The following ULK4 variants were observed in gnomAD, a reference collection of about 807,000 sequenced individuals.
ULK4 encodes the protein inactive serine/threonine-protein kinase ULK4.
In ULK4, 133 loss-of-function variants were observed where a neutral mutation model predicts 160.6. The ratio of observed to expected loss-of-function variants is 0.83; its 90% CI spans 0.72 to 0.96. ULK4 has a LOEUF of 0.96. ULK4 is among the 40% of genes least tolerant of loss of function. ULK4 has a pLI of 0.00. For missense variants in ULK4, 1,580 were observed against 1,499.5 expected (o/e 1.05, Z -0.89); for synonymous variants, 534 against 539.8 (o/e 0.99, Z 0.15).
At chr3:41,279,254 G>GAAAAAAAAAAA (rs2079295716) in intron 35 of ULK4, among the ~76,000 whole-genome samples, 2 of 54,210 alleles carry the variant, frequency 3.7e-5, no homozygotes, top group South Asian at 6.6e-4. Context: ...GAAAAAAAGA[G>GAAAAAAAAAAA]TAAAAAAAAA....
At chr3:41,711,434 C>G (rs937040822) in intron 25 of ULK4, among the ~76,000 whole-genome samples, 1 of 152,050 alleles carries the variant, frequency 6.6e-6, no homozygotes, top group African/African-American at 2.4e-5. Flanking sequence ...CTACAGCAAA[C>G]TGGGATACAA....
At chr3:41,491,206 A>C (rs188273978) in intron 32 of ULK4, among the ~76,000 whole-genome samples, 1 of 152,322 alleles carries the variant, frequency 6.6e-6, no homozygotes, top group Admixed American at 6.5e-5. Context: ...CAATTTCTAA[A>C]ACATGTCAAT....
chr3:41,326,639 T>C (rs752355816), intron 35 of ULK4, among the ~76,000 whole-genome samples: 5 of 152,104 alleles, frequency 3.3e-5, no homozygotes, highest in Non-Finnish European at 5.9e-5. Context: ...CTGAAATGTG[T>C]TTTTTGGCAG....
intron 17 of ULK4, among the ~76,000 whole-genome samples, chr3:41,846,560 T>C (rs1032309357): frequency 3.9e-5 from 6 of 152,014 alleles, no homozygotes; most frequent in Non-Finnish European, 8.8e-5. Flanking sequence ...ATCCCAACAC[T>C]TTGGGAGGCC....
intron 17 of ULK4, among the ~76,000 whole-genome samples, chr3:41,883,299 A>G (rs1225993875): frequency 6.6e-6 from 1 of 152,048 alleles, no homozygotes; most frequent in Admixed American, 6.6e-5. Flanking sequence ...ACCAGCTTCA[A>G]CTCTACAAAA....
At chr3:41,733,795 C>A (rs6599172) in intron 22 of ULK4, among the ~76,000 whole-genome samples, 1 of 138,646 alleles carries the variant, frequency 7.2e-6, no homozygotes, top group South Asian at 2.3e-4. Context: ...AGTGCAGTGG[C>A]GCAATCTCAC....
intron 34 of ULK4, among the ~76,000 whole-genome samples, chr3:41,417,303 G>T (rs2082549775): frequency 6.6e-6 from 1 of 152,176 alleles, no homozygotes; most frequent in South Asian, 2.1e-4. Context: ...GAGATCATCA[G>T]TGAAACTCTC....
chr3:41,262,598 T>C (rs1412809144), intron 35 of ULK4, among the ~76,000 whole-genome samples: 1 of 152,188 alleles, frequency 6.6e-6, no homozygotes, highest in African/African-American at 2.4e-5. Flanking sequence ...TGTGGGCACC[T>C]GCCAAGTCTA....
At chr3:41,883,792 G>T in intron 17 of ULK4, 82 bp downstream of exon 17, 2 of 1,209,298 alleles carry the variant, frequency 1.7e-6, no homozygotes, top group Non-Finnish European at 2.5e-6. Flanking sequence ...GTGAAGGTCG[G>T]TGAAAGCTGC....
chr3:41,892,602 G>A (rs1223312494), intron 16 of ULK4, among the ~76,000 whole-genome samples: 1 of 152,182 alleles, frequency 6.6e-6, no homozygotes, highest in Non-Finnish European at 1.5e-5. Flanking sequence ...TAGAACTGAT[G>A]TTTACAGTCT....
At chr3:41,559,145 C>T (rs1405608586) in intron 32 of ULK4, among the ~76,000 whole-genome samples, 10 of 149,542 alleles carry the variant, frequency 6.7e-5, no homozygotes, top group East Asian at 2.0e-4. Context: ...TCTGTCCTTG[C>T]GATAGTTTAC....
At chr3:41,294,905 C>A (rs2079639841) in intron 35 of ULK4, among the ~76,000 whole-genome samples, 1 of 152,184 alleles carries the variant, frequency 6.6e-6, no homozygotes, top group Non-Finnish European at 1.5e-5. Context: ...AATGCAATTG[C>A]AATCAAAATC....
chr3:41,283,591 A>G (rs2079402376), intron 35 of ULK4, among the ~76,000 whole-genome samples: 1 of 152,226 alleles, frequency 6.6e-6, no homozygotes, highest in South Asian at 2.1e-4. Context: ...TGGGAATTGA[A>G]CAATGAGAAC....
rs754741934 is a variant in ULK4 at position 41,800,183 on chromosome 3, C to T, written c.1959G>A (p.Trp653Ter). 26 of 1,613,618 alleles carry T rather than the reference C, an allele frequency of 1.6e-5. No individual in the cohort carries two copies. The highest frequency in any genetic ancestry group is 2.1e-5 in the Non-Finnish European group (25 of 1,179,890). The change falls in exon 20 of 37, where the codon TGG becomes TGA. Residue 653 changes from tryptophan to a stop codon, truncating the protein, a stop_gained. Coordinates refer to ENST00000301831, the MANE Select transcript of ULK4 (RefSeq NM_017886.4). LOFTEE classifies it high-confidence loss of function. ...CAGCAGTGGAGTGTCTGAATAGGTA[C>T]CACAAAATGGGTCCTATTTCTCCTG... ...FITGEIGPIL[W>*]YLFRHSTADS...
At chr3:41,291,853 C>T (rs536287348) in intron 35 of ULK4, among the ~76,000 whole-genome samples, 5 of 145,138 alleles carry the variant, frequency 3.4e-5, no homozygotes, top group East Asian at 4.0e-4. Flanking sequence ...TTTTCTGAGA[C>T]GGAGTCTTGC....
chr3:41,654,780 AAAG>A (rs552375583), intron 30 of ULK4, among the ~76,000 whole-genome samples: 139 of 152,220 alleles, frequency 9.1e-4, no homozygotes, highest in Non-Finnish European at 1.7e-3. Context: ...ACAGTTACAA[AAAG>A]AAGAAAGGGC....
chr3:41,863,418 A>G (rs2042549697), intron 17 of ULK4, among the ~76,000 whole-genome samples: 1 of 152,234 alleles, frequency 6.6e-6, no homozygotes. Context: ...AGATCCCAAG[A>G]GCCCTTTTGG....
intron 32 of ULK4, among the ~76,000 whole-genome samples, chr3:41,558,804 C>T (rs868341495): frequency 1.6e-4 from 24 of 151,816 alleles, no homozygotes; most frequent in Non-Finnish European, 2.5e-4. Flanking sequence ...TAATTTTATT[C>T]AGTGACAGAT....
chr3:41,540,032 G>T (rs986756243), intron 32 of ULK4, among the ~76,000 whole-genome samples: 9 of 151,982 alleles, frequency 5.9e-5, no homozygotes, highest in African/African-American at 2.2e-4. Flanking sequence ...TTGTTTAATG[G>T]AATGAAAATA....
Sources: allele counts gnomAD v4.1 joint callset (sites outside exome capture counted in the v4.1 genomes callset), GRCh38; gene constraint gnomAD v4.1.1; transcripts MANE v1.5; gene names NCBI Gene and HGNC (gene_info 2026-07-23, HGNC 2026-07-21).